SUSD4: variants seen among roughly 807,000 people sequenced by gnomAD.
The protein encoded by SUSD4 is sushi domain-containing protein 4.
A neutral mutation model predicts 50.5 loss-of-function variants in SUSD4; 41 were observed. That is an observed-to-expected ratio of 0.81 (90% CI 0.63 to 1.05). SUSD4 has a LOEUF of 1.05. SUSD4 is among the 50% of genes least tolerant of loss of function. The pLI is 0.00. For missense variants in SUSD4, 580 were observed against 634.7 expected (o/e 0.91, Z 0.93); for synonymous variants, 257 against 257.3 (o/e 1.00, Z 0.01).
chr1:223,301,871 A>G (rs1488269539), intron 2 of SUSD4, among the ~76,000 whole-genome samples: 2 of 151,990 alleles, frequency 1.3e-5, no homozygotes, highest in Non-Finnish European at 1.5e-5. Context: ...GCCAACACAC[A>G]CCTCACCTTA....
chr1:223,260,143 T>A (rs1339081659), intron 5 of SUSD4, among the ~76,000 whole-genome samples: 1 of 152,218 alleles, frequency 6.6e-6, no homozygotes, highest in Non-Finnish European at 1.5e-5. Flanking sequence ...GAAGCCCCCG[T>A]GTGCCCTTTG....
intron 2 of SUSD4, among the ~76,000 whole-genome samples, chr1:223,313,758 T>C (rs862216): frequency 0.87 from 132,589 of 152,154 alleles, 58,708 homozygotes; most frequent in Non-Finnish European, 0.95. Context: ...CCAAGATGGC[T>C]ATGAAAGTGA....
intron 2 of SUSD4, among the ~76,000 whole-genome samples, chr1:223,335,628 A>G (rs900928044): frequency 1.3e-5 from 2 of 152,240 alleles, no homozygotes; most frequent in Admixed American, 1.3e-4. Context: ...ACAAGCAGTC[A>G]TTAATACCCT....
intron 2 of SUSD4, among the ~76,000 whole-genome samples, chr1:223,351,034 G>A (rs1357948001): frequency 8.2e-5 from 12 of 146,242 alleles, no homozygotes; most frequent in Admixed American, 8.0e-4. Context: ...GCATTCTTCT[G>A]TGTGTTTCTA....
intron 3 of SUSD4, among the ~76,000 whole-genome samples, chr1:223,283,015 G>A (rs984058655): frequency 2.0e-5 from 3 of 152,228 alleles, no homozygotes; most frequent in African/African-American, 4.8e-5. Context: ...AACAAATGGT[G>A]CTGGGAAAAC....
chr1:223,346,098 A>G (rs919823298), intron 2 of SUSD4, among the ~76,000 whole-genome samples: 1 of 152,052 alleles, frequency 6.6e-6, no homozygotes, highest in African/African-American at 2.4e-5. Flanking sequence ...GCATTTTAAG[A>G]TGTTTCACAG....
At chr1:223,319,768 C>A (rs367882510) in intron 2 of SUSD4, among the ~76,000 whole-genome samples, 1 of 152,184 alleles carries the variant, frequency 6.6e-6, no homozygotes, top group African/African-American at 2.4e-5. Context: ...TCAATGAAAT[C>A]AAAAGTTTCA....
At chr1:223,304,749 G>C (rs2103190835) in intron 2 of SUSD4, among the ~76,000 whole-genome samples, 1 of 131,632 alleles carries the variant, frequency 7.6e-6, no homozygotes, top group Admixed American at 8.0e-5. Flanking sequence ...CTCTAGCTGT[G>C]TAACTCTGGG....
At position 223,224,342 on chromosome 1, in the gene SUSD4, C is replaced by A. The variant is rs368167306; in HGVS notation, c.1062-711G>T. ...ACAGAGCGAGATGTTGTCTCATAAA[C>A]AAACAAACAAACAAACAAAAAACAG... On this transcript the variant is annotated intron_variant, in intron 7 of 8. Transcript: ENST00000366878. 8.6e-4 allele frequency among the ~76,000 whole-genome samples: 131 copies of A among 152,064 alleles called. 2 individuals are homozygous for A. Among genetic ancestry groups the A allele is most frequent in the African/African-American group, 3.0e-3 (125 of 41,482 alleles).
At chr1:223,352,949 C>G (rs758217842) in intron 2 of SUSD4, among the ~76,000 whole-genome samples, 5 of 151,930 alleles carry the variant, frequency 3.3e-5, no homozygotes, top group Admixed American at 6.6e-5. Flanking sequence ...CCCTCATGGA[C>G]CACCTCCCTC....
intron 2 of SUSD4, among the ~76,000 whole-genome samples, chr1:223,308,218 T>C (rs1665665278): frequency 6.6e-6 from 1 of 152,124 alleles, no homozygotes; most frequent in African/African-American, 2.4e-5. Flanking sequence ...TGGGAGGTGA[T>C]TGGATCATGG....
intron 4 of SUSD4, 29 bp downstream of exon 4, chr1:223,268,473 A>C (rs766125942): frequency 6.3e-7 from 1 of 1,593,800 alleles, no homozygotes; most frequent in South Asian, 1.2e-5. Context: ...ATAATAGCCC[A>C]GCTGAGAACT....
chr1:223,234,628 G>A (rs1660094495), intron 5 of SUSD4, among the ~76,000 whole-genome samples: 1 of 152,142 alleles, frequency 6.6e-6, no homozygotes, highest in African/African-American at 2.4e-5. Flanking sequence ...TTCATGCTGT[G>A]TCTGGTCTCA....
chr1:223,348,676 T>A (rs1668178851), intron 2 of SUSD4, among the ~76,000 whole-genome samples: 1 of 152,164 alleles, frequency 6.6e-6, no homozygotes, highest in African/African-American at 2.4e-5. Context: ...CCCGGTACAC[T>A]ACCAACCCTA....
chr1:223,222,866 G>C (rs1180856466), intron 8 of SUSD4, among the ~76,000 whole-genome samples: 1 of 152,124 alleles, frequency 6.6e-6, no homozygotes, highest in African/African-American at 2.4e-5. Flanking sequence ...GTGCCATCCT[G>C]TCCCTAAGCC....
intron 2 of SUSD4, among the ~76,000 whole-genome samples, chr1:223,296,988 C>T (rs887370503): frequency 4.6e-5 from 7 of 152,312 alleles, no homozygotes; most frequent in Non-Finnish European, 1.0e-4. Flanking sequence ...ATATAAAGGG[C>T]ATGGAAAATC....
At chr1:223,236,717 C>T (rs974357729) in intron 5 of SUSD4, among the ~76,000 whole-genome samples, 3 of 151,966 alleles carry the variant, frequency 2.0e-5, no homozygotes, top group Admixed American at 1.3e-4. Context: ...ATCTATTTGT[C>T]AATTATTTCA....
intron 5 of SUSD4, among the ~76,000 whole-genome samples, chr1:223,263,015 A>T (rs558303486): frequency 6.6e-6 from 1 of 152,212 alleles, no homozygotes; most frequent in Non-Finnish European, 1.5e-5. Flanking sequence ...TAGTCTCCAT[A>T]AAGACTGCTT....
In SUSD4 at chr1:223,223,635, T is replaced by C. The variant is rs1383744825; in HGVS notation, c.1062-4A>G. 3 of 1,595,966 alleles carry C rather than the reference T, an allele frequency of 1.9e-6. No individual in the cohort carries two copies. On this transcript the variant is annotated splice_region_variant and splice_polypyrimidine_tract_variant and intron_variant, in intron 7 of 8. Coordinates refer to ENST00000366878, the MANE Select transcript of SUSD4 (RefSeq NM_017982.4). Reference sequence around the variant, plus strand: ...GCTGGAACTCCGGGGAGGCCCCCTGTGTAAAGGAAAGAAGTGCCAACATGT... The same window carrying C: ...GCTGGAACTCCGGGGAGGCCCCCTGCGTAAAGGAAAGAAGTGCCAACATGT...
Sources: allele counts gnomAD v4.1 joint callset (sites outside exome capture counted in the v4.1 genomes callset), GRCh38; gene constraint gnomAD v4.1.1; transcripts MANE v1.5; gene names NCBI Gene and HGNC (gene_info 2026-07-23, HGNC 2026-07-21).